Variants in HS6ST3 observed in about 807,000 individuals in gnomAD.
HS6ST3 encodes heparan-sulfate 6-O-sulfotransferase 3.
In HS6ST3, 12 loss-of-function variants were observed where a neutral mutation model predicts 36.7. The ratio of observed to expected loss-of-function variants is 0.33; its 90% CI spans 0.21 to 0.53. HS6ST3 has a LOEUF of 0.53. Among genes scored for constraint, HS6ST3 ranks in the 20% least tolerant of loss-of-function variants. The pLI is 0.95. For missense variants in HS6ST3, 584 were observed against 640.9 expected (o/e 0.91, Z 0.96); for synonymous variants, 240 against 257.5 (o/e 0.93, Z 0.65).
chr13:96,227,322 G>C (rs567220654), intron 1 of HS6ST3, among the ~76,000 whole-genome samples: 2 of 152,288 alleles, frequency 1.3e-5, no homozygotes, highest in Non-Finnish European at 2.9e-5. Context: ...TTTGATAAAT[G>C]GTCCTAATTA....
intron 1 of HS6ST3, among the ~76,000 whole-genome samples, chr13:96,152,959 A>G (rs2054094415): frequency 6.6e-6 from 1 of 152,124 alleles, no homozygotes; most frequent in African/African-American, 2.4e-5. Flanking sequence ...CGCTGTTCGC[A>G]TTCATTGAAA....
chr13:96,148,931 G>C (rs192896836), intron 1 of HS6ST3, among the ~76,000 whole-genome samples: 49 of 152,314 alleles, frequency 3.2e-4, no homozygotes, highest in Admixed American at 1.1e-3. Context: ...CTTTATGTAT[G>C]AGAGGAAAAC....
At chr13:96,388,379 T>A (rs2055378905) in intron 1 of HS6ST3, among the ~76,000 whole-genome samples, 1 of 152,182 alleles carries the variant, frequency 6.6e-6, no homozygotes, top group Non-Finnish European at 1.5e-5. Context: ...ATAAATATAT[T>A]CTTCATGAAA....
At chr13:96,152,589 GA>G (rs2054091763) in intron 1 of HS6ST3, among the ~76,000 whole-genome samples, 1 of 151,998 alleles carries the variant, frequency 6.6e-6, no homozygotes, top group Admixed American at 6.6e-5. Context: ...CGCCCGCCTT[GA>G]CCTCCCAAAG....
chr13:96,261,546 G>T (rs1468252463), intron 1 of HS6ST3, among the ~76,000 whole-genome samples: 1 of 152,148 alleles, frequency 6.6e-6, no homozygotes, highest in Non-Finnish European at 1.5e-5. Flanking sequence ...TGGATCTGTA[G>T]CAGAGGGCCA....
intron 1 of HS6ST3, among the ~76,000 whole-genome samples, chr13:96,184,287 T>G (rs186323728): frequency 7.3e-4 from 110 of 151,416 alleles, no homozygotes; most frequent in African/African-American, 2.5e-3. Flanking sequence ...TTACCACAAT[T>G]AAAAAAAATT....
At chr13:96,315,585 C>A (rs993251584) in intron 1 of HS6ST3, among the ~76,000 whole-genome samples, 8 of 151,784 alleles carry the variant, frequency 5.3e-5, no homozygotes, top group Non-Finnish European at 1.0e-4. Context: ...AAAATTAAAT[C>A]TTTATATAAT....
chr13:96,806,666 A>G (rs188168869), intron 1 of HS6ST3, among the ~76,000 whole-genome samples: 1 of 152,352 alleles, frequency 6.6e-6, no homozygotes, highest in East Asian at 1.9e-4. Context: ...AATCAGCACC[A>G]GTAAAGCACC....
chr13:96,753,647 C>A (rs1876754319), intron 1 of HS6ST3, among the ~76,000 whole-genome samples: 1 of 152,034 alleles, frequency 6.6e-6, no homozygotes, highest in Non-Finnish European at 1.5e-5. Flanking sequence ...TAGAAAATGA[C>A]TCTTTGGTTG....
intron 1 of HS6ST3, among the ~76,000 whole-genome samples, chr13:96,680,114 G>T (rs781637489): frequency 2.0e-5 from 3 of 152,134 alleles, no homozygotes; most frequent in Admixed American, 6.6e-5. Flanking sequence ...GTGGATGAGA[G>T]CCGGCTGCTA....
intron 1 of HS6ST3, among the ~76,000 whole-genome samples, chr13:96,408,662 GC>G (rs2055491043): frequency 2.6e-5 from 4 of 152,098 alleles, no homozygotes; most frequent in Admixed American, 2.6e-4. Flanking sequence ...GGTGGCTCAT[GC>G]CTGTAATCTC....
At chr13:96,168,015 G>C (rs1308413996) in intron 1 of HS6ST3, among the ~76,000 whole-genome samples, 3 of 152,098 alleles carry the variant, frequency 2.0e-5, no homozygotes, top group Admixed American at 1.3e-4. Flanking sequence ...AAGAATAACT[G>C]ACAAAATTGA....
chr13:96,480,314 A>G (rs1284178584), intron 1 of HS6ST3, among the ~76,000 whole-genome samples: 4 of 152,072 alleles, frequency 2.6e-5, no homozygotes, highest in African/African-American at 7.2e-5. Flanking sequence ...CGGTTTCACC[A>G]TGTTGGCCAG....
chr13:96,208,531 T>G (rs1464342748), intron 1 of HS6ST3, among the ~76,000 whole-genome samples: 1 of 152,216 alleles, frequency 6.6e-6, no homozygotes, highest in Non-Finnish European at 1.5e-5. Flanking sequence ...CTTTAGAGAT[T>G]TACTAATACC....
rs181986080 is a variant in HS6ST3, at chr13:96,783,159, T to C, written c.708-49331T>C. On this transcript the variant is annotated intron_variant, in intron 1 of 1. Transcript: ENST00000376705. ...ACACAAAAATATAAAAACAGAATTA[T>C]GGAACTGGCTGAACCCTGACTGTCT... Among the ~76,000 whole-genome samples the C allele has an allele frequency of 2.6e-4, 40 of 152,306 alleles. No homozygotes were observed. In the East Asian group the frequency reaches 6.0e-3, roughly 23 times the overall value.
chr13:96,304,106 G>A, intron 1 of HS6ST3, among the ~76,000 whole-genome samples: 1 of 148,556 alleles, frequency 6.7e-6, no homozygotes, highest in East Asian at 2.0e-4. Flanking sequence ...TTGCACCATT[G>A]CACTCCAACC....
intron 1 of HS6ST3, among the ~76,000 whole-genome samples, chr13:96,410,432 A>T (rs1361700701): frequency 6.6e-6 from 1 of 152,182 alleles, no homozygotes; most frequent in African/African-American, 2.4e-5. Context: ...GTAAAGCCAT[A>T]ATGAGATATC....
At chr13:96,436,891 G>A (rs2055645368) in intron 1 of HS6ST3, among the ~76,000 whole-genome samples, 1 of 152,040 alleles carries the variant, frequency 6.6e-6, no homozygotes, top group African/African-American at 2.4e-5. Flanking sequence ...AACCCCTGTA[G>A]CAAAAGTGAA....
intron 1 of HS6ST3, among the ~76,000 whole-genome samples, chr13:96,472,350 T>C (rs2055843758): frequency 6.6e-6 from 1 of 152,218 alleles, no homozygotes; most frequent in Non-Finnish European, 1.5e-5. Flanking sequence ...CATTTGCCCT[T>C]ATATATGTAC....
Sources: gnomAD v4.1 joint callset for allele counts (sites outside exome capture counted in the v4.1 genomes callset) on GRCh38, gnomAD v4.1.1 for gene constraint, MANE v1.5 for transcripts, NCBI Gene and HGNC (gene_info 2026-07-23, HGNC 2026-07-21) for gene names.